VKORC1L1: variants seen among roughly 807,000 people sequenced by gnomAD.
VKORC1L1 encodes the protein vitamin K epoxide reductase complex subunit 1-like protein 1.
VKORC1L1 carries 2 observed loss-of-function variants against 18.9 expected under a neutral mutation model. That is an observed-to-expected ratio of 0.11 (90% confidence interval 0.04 to 0.33). The LOEUF is 0.33. Ranked by LOEUF, VKORC1L1 falls within the 10% of genes least tolerant of loss-of-function variation. VKORC1L1 has a pLI of 1.00. For synonymous variants in VKORC1L1, 96 were observed against 100.0 expected, an observed-to-expected ratio of 0.96 and a Z score of 0.24; for missense variants, 123 against 224.1, an observed-to-expected ratio of 0.55 and a Z score of 2.88.
At chr7:65,908,303 A>C (rs1044629695) in intron 1 of VKORC1L1, among the ~76,000 whole-genome samples, 2 of 151,878 alleles carry the variant, frequency 1.3e-5, no homozygotes, top group Non-Finnish European at 1.5e-5. Flanking sequence ...AATCCCAGCT[A>C]CTTGGGAGCT....
intron 1 of VKORC1L1, among the ~76,000 whole-genome samples, chr7:65,910,130 A>G (rs527574126): frequency 1.3e-5 from 2 of 152,312 alleles, no homozygotes; most frequent in South Asian, 4.1e-4. Flanking sequence ...CACATCTTTT[A>G]AAAGTTGGAA....
intron 1 of VKORC1L1, among the ~76,000 whole-genome samples, chr7:65,923,298 A>C (rs1422018202): frequency 6.7e-6 from 1 of 149,894 alleles, no homozygotes; most frequent in Non-Finnish European, 1.5e-5. Flanking sequence ...GCTACTTGGG[A>C]GGCTGAGGCA....
At chr7:65,924,594 G>C (rs1242964676) in intron 1 of VKORC1L1, among the ~76,000 whole-genome samples, 1 of 152,202 alleles carries the variant, frequency 6.6e-6, no homozygotes, top group African/African-American at 2.4e-5. Context: ...CAAGCAGTGG[G>C]CTAGATTTGG....
intron 1 of VKORC1L1, among the ~76,000 whole-genome samples, chr7:65,938,402 A>C (rs1402263862): frequency 6.6e-6 from 1 of 152,210 alleles, no homozygotes; most frequent in East Asian, 1.9e-4. Context: ...CAAATAGAAA[A>C]AAAGATCAAA....
chr7:65,898,244 G>A (rs1392109042), intron 1 of VKORC1L1, among the ~76,000 whole-genome samples: 1 of 151,522 alleles, frequency 6.6e-6, no homozygotes, highest in Non-Finnish European at 1.5e-5. Flanking sequence ...CTGCCATCAC[G>A]CCCGGCTAAT....
intron 1 of VKORC1L1, among the ~76,000 whole-genome samples, chr7:65,913,264 G>A (rs182448806): frequency 5.9e-5 from 9 of 152,232 alleles, no homozygotes; most frequent in Admixed American, 2.6e-4. Flanking sequence ...TTCTGGGAAC[G>A]TTCCTGGTTC....
At chr7:65,874,417 C>T (rs1276921115) in intron 1 of VKORC1L1, among the ~76,000 whole-genome samples, 4 of 151,738 alleles carry the variant, frequency 2.6e-5, no homozygotes, top group Non-Finnish European at 2.9e-5. Flanking sequence ...AGGCTGGTCT[C>T]GAACTCCTGA....
chr7:65,900,217 A>G (rs1401163619), intron 1 of VKORC1L1, among the ~76,000 whole-genome samples: 5 of 148,494 alleles, frequency 3.4e-5, no homozygotes, highest in Admixed American at 1.3e-4. Context: ...GTGAAACCTC[A>G]TCTCTACTAA....
intron 1 of VKORC1L1, among the ~76,000 whole-genome samples, chr7:65,938,602 C>T (rs1426708336): frequency 1.3e-5 from 2 of 152,274 alleles, no homozygotes; most frequent in Middle Eastern, 3.4e-3. Context: ...AGGTCACATT[C>T]GAAGCTCAGA....
chr7:65,865,935 C>T, the VKORC1L1 span, among the ~76,000 whole-genome samples: 2 of 151,702 alleles, frequency 1.3e-5, no homozygotes, highest in African/African-American at 2.4e-5. Context: ...TCCTGGCCAA[C>T]ATGGTGAAAT....
At chr7:65,893,958 CT>C (rs869165378) in intron 1 of VKORC1L1, among the ~76,000 whole-genome samples, 128 of 145,058 alleles carry the variant, frequency 8.8e-4, no homozygotes, top group South Asian at 1.8e-3. Flanking sequence ...GAATAATTGA[CT>C]TTTTTTTTTT....
intron 1 of VKORC1L1, among the ~76,000 whole-genome samples, chr7:65,882,533 C>T (rs1234182647): frequency 6.6e-6 from 1 of 151,722 alleles, no homozygotes; most frequent in Non-Finnish European, 1.5e-5. Context: ...GAGTGTCTCA[C>T]TTTGTGTATA....
chr7:65,911,956 CTATTA>C (rs1457777268), intron 1 of VKORC1L1, among the ~76,000 whole-genome samples: 50 of 152,018 alleles, frequency 3.3e-4, no homozygotes, highest in Non-Finnish European at 5.9e-4. Flanking sequence ...TATTTGATAC[CTATTA>C]TATCACACAA....
chr7:65,905,037 G>A (rs1438513131), intron 1 of VKORC1L1, among the ~76,000 whole-genome samples: 2 of 151,594 alleles, frequency 1.3e-5, no homozygotes, highest in Non-Finnish European at 3.0e-5. Flanking sequence ...ATACATATAG[G>A]TATGTATATA....
intron 1 of VKORC1L1, among the ~76,000 whole-genome samples, chr7:65,922,232 T>G (rs1789688023): frequency 6.6e-6 from 1 of 152,070 alleles, no homozygotes; most frequent in Non-Finnish European, 1.5e-5. Context: ...TCAATCGTTA[T>G]TTCCCCCTCT....
intron 1 of VKORC1L1, among the ~76,000 whole-genome samples, chr7:65,922,339 C>T (rs747089567): frequency 3.3e-5 from 5 of 151,022 alleles, no homozygotes; most frequent in Non-Finnish European, 7.4e-5. Context: ...GCAGTGCAGT[C>T]GCGCAATCTT....
chr7:65,945,203 T>C (rs558565271), intron 1 of VKORC1L1, among the ~76,000 whole-genome samples: 2 of 151,180 alleles, frequency 1.3e-5, no homozygotes, highest in African/African-American at 2.4e-5. Flanking sequence ...GAAGGTTGCA[T>C]TGAGCTGAGA....
At chr7:65,868,045 C>T in the VKORC1L1 span, among the ~76,000 whole-genome samples, 1 of 152,320 alleles carries the variant, frequency 6.6e-6, no homozygotes, top group African/African-American at 2.4e-5. Flanking sequence ...TAGGGTTTCC[C>T]CATGTTGGCC....
At position 65,917,750 on chromosome 7, in the gene VKORC1L1, A is replaced by C. The variant is rs116988944; in HGVS notation, c.195-30921A>C. On this transcript the variant is annotated intron_variant, in intron 1 of 2. Transcript: ENST00000360768. The stretch of plus-strand genomic sequence containing the variant: ...CTTTCTCCTAAGTACTTTAGCATGC[A>C]TATCATTAGTTCATTATTTGACACA... Among the ~76,000 whole-genome samples the C allele has an allele frequency of 9.4e-3, 1,426 of 152,342 alleles. 12 individuals carry two copies. Among genetic ancestry groups the C allele is most frequent in the Middle Eastern group, 0.031 (9 of 294 alleles).
Sources: allele counts gnomAD v4.1 joint callset (sites outside exome capture counted in the v4.1 genomes callset), GRCh38; gene constraint gnomAD v4.1.1; transcripts MANE v1.5; gene names NCBI Gene and HGNC (gene_info 2026-07-23, HGNC 2026-07-21).